The following SPAG16 variants were observed in gnomAD, a reference collection of about 807,000 sequenced individuals.
SPAG16 encodes the protein sperm associated antigen 16, also known as sperm-associated antigen 16 protein.
Under a neutral mutation model 80.4 loss-of-function variants are expected in SPAG16, and 86 were observed. The observed-to-expected ratio is 1.07, with a 90% CI of 0.90 to 1.28. The LOEUF (loss-of-function observed/expected upper bound fraction) is 1.28. Ranked by LOEUF, SPAG16 falls within the 50% of genes most tolerant of loss-of-function variation. The probability of loss-of-function intolerance (pLI) is 0.00; values close to 1 mark genes in which losing one functional copy is unlikely to be tolerated. For missense variants in SPAG16, 870 were observed against 765.3 expected (o/e 1.14, Z -1.61); for synonymous variants, 294 against 265.9 (o/e 1.11, Z -1.03).
intron 15 of SPAG16, chr2:214,238,215 G>A (rs542433962): frequency 2.9e-4 from 123 of 431,018 alleles, no homozygotes; most frequent in South Asian, 1.6e-3. Context: ...AATTGAAGTT[G>A]CCAATGGTAG....
chr2:213,716,998 G>C (rs977968696), intron 10 of SPAG16, among the ~76,000 whole-genome samples: 1 of 151,952 alleles, frequency 6.6e-6, no homozygotes, highest in Non-Finnish European at 1.5e-5. Context: ...AAAATTGTTT[G>C]ACAGGCTTAG....
intron 10 of SPAG16, among the ~76,000 whole-genome samples, chr2:213,681,242 A>G (rs1251120944): frequency 2.0e-5 from 3 of 152,170 alleles, no homozygotes; most frequent in African/African-American, 7.2e-5. Flanking sequence ...TTGGGGTTAA[A>G]TATTTTTTCC....
At chr2:213,999,877 G>A (rs2046705764) in intron 12 of SPAG16, among the ~76,000 whole-genome samples, 2 of 151,588 alleles carry the variant, frequency 1.3e-5, no homozygotes, top group Non-Finnish European at 2.9e-5. Flanking sequence ...TAACCACTTT[G>A]TTTGTGCCAA....
intron 15 of SPAG16, among the ~76,000 whole-genome samples, chr2:214,200,298 G>T (rs984870508): frequency 7.9e-5 from 12 of 152,036 alleles, no homozygotes; most frequent in African/African-American, 2.7e-4. Context: ...GATCATAAAG[G>T]GATGCTAGAT....
At chr2:214,348,369 A>G (rs996319019) in intron 15 of SPAG16, among the ~76,000 whole-genome samples, 1 of 152,186 alleles carries the variant, frequency 6.6e-6, no homozygotes, top group Non-Finnish European at 1.5e-5. Context: ...ATTTTTTGAC[A>G]TGGCCATAAA....
At chr2:214,076,419 A>G (rs1399188265) in intron 13 of SPAG16, among the ~76,000 whole-genome samples, 1 of 152,210 alleles carries the variant, frequency 6.6e-6, no homozygotes, top group South Asian at 2.1e-4. Context: ...AAATTCAATC[A>G]TTAAAATAAG....
At chr2:214,302,017 C>T (rs1251400076) in intron 15 of SPAG16, among the ~76,000 whole-genome samples, 1 of 151,846 alleles carries the variant, frequency 6.6e-6, no homozygotes, top group Non-Finnish European at 1.5e-5. Context: ...ATTTCTGCCT[C>T]AATTTTGTTG....
chr2:213,931,094 T>G (rs6748907), intron 12 of SPAG16, among the ~76,000 whole-genome samples: 4,353 of 152,020 alleles, frequency 0.029, 85 homozygotes, highest in Middle Eastern at 0.045. Flanking sequence ...TATTTTAATG[T>G]TCTTTTCCCT....
intron 4 of SPAG16, among the ~76,000 whole-genome samples, chr2:213,312,399 A>G (rs926534434): frequency 5.3e-5 from 8 of 151,672 alleles, no homozygotes; most frequent in Non-Finnish European, 1.0e-4. Flanking sequence ...ATCTAATTCC[A>G]GTACCCTTAC....
At chr2:213,366,189 T>C (rs1575382449) in intron 8 of SPAG16, among the ~76,000 whole-genome samples, 1 of 151,116 alleles carries the variant, frequency 6.6e-6, no homozygotes, top group Admixed American at 6.6e-5. Context: ...AAGGAAAACT[T>C]GCCTATTTAA....
chr2:214,073,594 C>T (rs974631325), intron 13 of SPAG16, among the ~76,000 whole-genome samples: 1 of 152,022 alleles, frequency 6.6e-6, no homozygotes, highest in African/African-American at 2.4e-5. Flanking sequence ...ATTGGAAGAA[C>T]TCAATAGCAT....
intron 15 of SPAG16, among the ~76,000 whole-genome samples, chr2:214,234,553 GTTTA>G (rs1688945629): frequency 6.6e-6 from 1 of 151,984 alleles, no homozygotes; most frequent in African/African-American, 2.4e-5. Context: ...GGCATCTGTT[GTTTA>G]TTTGACTTTT....
intron 15 of SPAG16, among the ~76,000 whole-genome samples, chr2:214,363,379 C>G (rs767022059): frequency 6.6e-6 from 1 of 151,934 alleles, no homozygotes; most frequent in Non-Finnish European, 1.5e-5. Context: ...TTTCTTTAAG[C>G]AATATTTTCT....
intron 9 of SPAG16, among the ~76,000 whole-genome samples, chr2:213,458,648 T>C (rs1189278948): frequency 1.3e-5 from 2 of 152,208 alleles, no homozygotes; most frequent in Non-Finnish European, 2.9e-5. Flanking sequence ...AAAATGCCCT[T>C]ATCTTCATTT....
intron 15 of SPAG16, among the ~76,000 whole-genome samples, chr2:214,312,267 T>C (rs1376684435): frequency 6.6e-6 from 1 of 152,194 alleles, no homozygotes; most frequent in African/African-American, 2.4e-5. Flanking sequence ...CAGGGTGAGT[T>C]AGTAATTTTT....
intron 6 of SPAG16, among the ~76,000 whole-genome samples, chr2:213,340,587 G>A (rs922035454): frequency 3.9e-5 from 6 of 152,132 alleles, no homozygotes; most frequent in African/African-American, 1.4e-4. Context: ...ATGAGTAAGA[G>A]TAGACAGTGA....
chr2:214,405,691 G>A (rs988150682), intron 15 of SPAG16, among the ~76,000 whole-genome samples: 10 of 152,116 alleles, frequency 6.6e-5, no homozygotes, highest in African/African-American at 2.2e-4. Context: ...CAGCTACTCC[G>A]GAGGCTGAGG....
At chr2:214,107,316 A>G (rs963209577) in intron 13 of SPAG16, among the ~76,000 whole-genome samples, 8 of 152,170 alleles carry the variant, frequency 5.3e-5, no homozygotes, top group African/African-American at 1.9e-4. Flanking sequence ...GTGCCGACAA[A>G]TATTAATTAC....
chr2:213,610,773 T>TA (rs1307540916), intron 10 of SPAG16, among the ~76,000 whole-genome samples: 1 of 152,102 alleles, frequency 6.6e-6, no homozygotes, highest in Admixed American at 6.5e-5. Context: ...TATATAGGAT[T>TA]AAAAAAAGGT....
Sources: gnomAD v4.1 joint callset for allele counts (sites outside exome capture counted in the v4.1 genomes callset) on GRCh38, gnomAD v4.1.1 for gene constraint, MANE v1.5 for transcripts, NCBI Gene and HGNC (gene_info 2026-07-23, HGNC 2026-07-21) for gene names.